Variants in CCDC148 observed in about 807,000 individuals in gnomAD.
The protein encoded by CCDC148 is coiled-coil domain containing 148.
CCDC148 carries 89 observed loss-of-function variants against 85.7 expected under a neutral mutation model. That is an observed-to-expected ratio of 1.04 (90% confidence interval 0.87 to 1.24). CCDC148 has a LOEUF of 1.24. CCDC148 is among the 50% of genes most tolerant of loss of function. CCDC148 has a pLI of 0.00. For synonymous variants in CCDC148, 230 were observed against 213.9 expected (o/e 1.08, Z -0.66); for missense variants, 692 against 671.7 (o/e 1.03, Z -0.33).
chr2:158,435,507 T>C (rs1418260550), intron 1 of CCDC148, among the ~76,000 whole-genome samples: 1 of 152,176 alleles, frequency 6.6e-6, no homozygotes, highest in Admixed American at 6.5e-5. Context: ...CAACTGGTAC[T>C]GGCCACTGCA....
At chr2:158,327,146 T>C (rs1692819385) in intron 7 of CCDC148, among the ~76,000 whole-genome samples, 1 of 152,154 alleles carries the variant, frequency 6.6e-6, no homozygotes, top group African/African-American at 2.4e-5. Context: ...TTCAAGTACA[T>C]TTATATGATA....
chr2:158,250,688 T>C, intron 10 of CCDC148, 84 bp downstream of exon 10: 4 of 1,439,540 alleles, frequency 2.8e-6, no homozygotes, highest in Non-Finnish European at 3.6e-6. Flanking sequence ...TTATGAGAAT[T>C]TCATGCCAAA....
chr2:158,374,847 T>C (rs1684591140), intron 1 of CCDC148, among the ~76,000 whole-genome samples: 1 of 151,982 alleles, frequency 6.6e-6, no homozygotes, highest in Admixed American at 6.6e-5. Flanking sequence ...AAGTGTCTCA[T>C]AGAAAATGGT....
intron 10 of CCDC148, among the ~76,000 whole-genome samples, chr2:158,226,442 C>G (rs147670480): frequency 0.62 from 94,580 of 151,966 alleles, 31,651 homozygotes; most frequent in East Asian, 0.89. Flanking sequence ...GGAATCCTCC[C>G]TAACTCATTT....
intron 9 of CCDC148, among the ~76,000 whole-genome samples, chr2:158,294,013 CTT>C (rs1559049804): frequency 8.8e-5 from 1 of 11,420 alleles, no homozygotes; most frequent in South Asian, 9.4e-3. Flanking sequence ...TCCTTCCTTC[CTT>C]CCTTCCTTCC....
intron 9 of CCDC148, among the ~76,000 whole-genome samples, chr2:158,276,227 T>G (rs1401831896): frequency 1.3e-5 from 2 of 151,920 alleles, no homozygotes; most frequent in Non-Finnish European, 2.9e-5. Flanking sequence ...GGTCAGGAGT[T>G]CAAGACCAGC....
intron 10 of CCDC148, among the ~76,000 whole-genome samples, chr2:158,231,428 C>T (rs944590232): frequency 6.6e-6 from 1 of 152,156 alleles, no homozygotes; most frequent in Non-Finnish European, 1.5e-5. Flanking sequence ...TGACTACCTG[C>T]ATTCCTGGAC....
chr2:158,330,067 G>A (rs1370176416), intron 7 of CCDC148, among the ~76,000 whole-genome samples: 1 of 152,122 alleles, frequency 6.6e-6, no homozygotes, highest in East Asian at 1.9e-4. Context: ...GGTGAGAGAG[G>A]GCATCCCTAT....
At chr2:158,227,755 T>C (rs1273086133) in intron 10 of CCDC148, among the ~76,000 whole-genome samples, 1 of 152,170 alleles carries the variant, frequency 6.6e-6, no homozygotes, top group Non-Finnish European at 1.5e-5. Context: ...GCTAGCCATA[T>C]ATAGAAAGCT....
chr2:158,353,705 C>T (rs1454111156), intron 2 of CCDC148, among the ~76,000 whole-genome samples: 1 of 152,182 alleles, frequency 6.6e-6, no homozygotes, highest in African/African-American at 2.4e-5. Context: ...AGGAATTGAA[C>T]TCAGCTCTGC....
At chr2:158,190,215 G>T (rs1210457342) in intron 11 of CCDC148, among the ~76,000 whole-genome samples, 1 of 151,844 alleles carries the variant, frequency 6.6e-6, no homozygotes, top group Non-Finnish European at 1.5e-5. Context: ...CCACGACCAT[G>T]ATACAGACTT....
intron 10 of CCDC148, among the ~76,000 whole-genome samples, chr2:158,246,355 T>A (rs888678096): frequency 4.6e-5 from 7 of 152,182 alleles, no homozygotes; most frequent in African/African-American, 9.6e-5. Context: ...AAAGATAATC[T>A]AGGTTTGTGG....
chr2:158,427,097 C>G (rs1251296982), intron 1 of CCDC148, among the ~76,000 whole-genome samples: 1 of 152,038 alleles, frequency 6.6e-6, no homozygotes, highest in South Asian at 2.1e-4. Context: ...ATAATTTGAC[C>G]TCACAGTGAG....
chr2:158,329,182 A>G (rs1001610353), intron 7 of CCDC148, among the ~76,000 whole-genome samples: 15 of 152,266 alleles, frequency 9.9e-5, no homozygotes, highest in African/African-American at 3.1e-4. Flanking sequence ...ATCTTGAATC[A>G]ATTTTTGTAC....
intron 9 of CCDC148, among the ~76,000 whole-genome samples, chr2:158,280,489 A>G (rs1690225841): frequency 6.6e-6 from 1 of 152,240 alleles, no homozygotes; most frequent in Non-Finnish European, 1.5e-5. Flanking sequence ...AGTCTCTGAT[A>G]AAACAGACTT....
intron 1 of CCDC148, among the ~76,000 whole-genome samples, chr2:158,433,093 T>A (rs6757894): frequency 0.062 from 6,216 of 100,972 alleles, 268 homozygotes; most frequent in Non-Finnish European, 0.078. Flanking sequence ...AAAAAAAAAA[T>A]ATATATATAT....
intron 1 of CCDC148, among the ~76,000 whole-genome samples, chr2:158,453,474 T>C (rs2193706): frequency 0.09 from 13,694 of 152,136 alleles, 749 homozygotes; most frequent in Middle Eastern, 0.19. Flanking sequence ...CCCCGCTTAT[T>C]CCATTACTCT....
chr2:158,437,005 A>T (rs1455165235), intron 1 of CCDC148, among the ~76,000 whole-genome samples: 2 of 152,214 alleles, frequency 1.3e-5, no homozygotes, highest in Admixed American at 1.3e-4. Flanking sequence ...AACCAAAAAA[A>T]GTCCAGGACC....
chr2:158,446,631 G>A (rs1300107616), intron 1 of CCDC148, among the ~76,000 whole-genome samples: 1 of 151,504 alleles, frequency 6.6e-6, no homozygotes, highest in East Asian at 1.9e-4. Context: ...GCTTTATTGG[G>A]GTCTAATTTA....
Sources: allele counts gnomAD v4.1 joint callset (sites outside exome capture counted in the v4.1 genomes callset), GRCh38; gene constraint gnomAD v4.1.1; transcripts MANE v1.5; gene names NCBI Gene and HGNC (gene_info 2026-07-23, HGNC 2026-07-21).